The following BNC2 variants were observed in gnomAD, a reference collection of about 807,000 sequenced individuals.
BNC2 encodes the protein basonuclin zinc finger protein 2.
Under a neutral mutation model 76.3 loss-of-function variants are expected in BNC2, and 20 were observed. That is an observed-to-expected ratio of 0.26 (90% confidence interval 0.18 to 0.38). The LOEUF is 0.38. Among genes scored for constraint, BNC2 ranks in the 10% least tolerant of loss-of-function variants. The pLI, the probability that BNC2 is intolerant of heterozygous loss-of-function variation, is 1.00. For synonymous variants in BNC2, 582 were observed against 514.8 expected (o/e 1.13, Z -1.77); for missense variants, 1,382 against 1,399.8 (o/e 0.99, Z 0.20).
rs533890776 is a variant in BNC2, at chr9:16,721,871, C to T, written c.330+5926G>A. 2.0e-5 allele frequency among the ~76,000 whole-genome samples: 3 copies of T among 152,174 alleles called. No homozygotes were observed. The East Asian group carries it at 5.8e-4, about 29-fold the overall frequency. ...AACACTAAGGTTCAAATTATAGACA[C>T]AAGCTAAAAACAAATTCCAATTTCT... On this transcript the variant is annotated intron_variant, in intron 3 of 6. Transcript: ENST00000380672.
chr9:16,568,153 G>A (rs1819218990), intron 4 of BNC2, among the ~76,000 whole-genome samples: 1 of 152,136 alleles, frequency 6.6e-6, no homozygotes, highest in South Asian at 2.1e-4. Context: ...CAAGCATCAA[G>A]TGGTCAGCTT....
chr9:16,808,994 G>A (rs1387064244), intron 1 of BNC2, among the ~76,000 whole-genome samples: 1 of 152,140 alleles, frequency 6.6e-6, no homozygotes, highest in Non-Finnish European at 1.5e-5. Context: ...GAGAAGAGAG[G>A]CTCATCTCTG....
chr9:16,835,313 T>C (rs1188751662), intron 1 of BNC2, among the ~76,000 whole-genome samples: 1 of 152,214 alleles, frequency 6.6e-6, no homozygotes, highest in African/African-American at 2.4e-5. Flanking sequence ...AGTAAACTCA[T>C]CTAATTCTCA....
chr9:16,470,773 G>C (rs1411555431), intron 5 of BNC2, among the ~76,000 whole-genome samples: 1 of 152,186 alleles, frequency 6.6e-6, no homozygotes, highest in East Asian at 1.9e-4. Flanking sequence ...AAGATGTATG[G>C]AAACACCTGG....
At chr9:16,832,454 T>G (rs938452830) in intron 1 of BNC2, 24 of 212,148 alleles carry the variant, frequency 1.1e-4, no homozygotes, top group African/African-American at 5.6e-4. Flanking sequence ...CTTACTATCA[T>G]GTCATCAGTG....
chr9:16,737,557 T>TG (rs1180054168), intron 2 of BNC2, among the ~76,000 whole-genome samples: 1 of 151,184 alleles, frequency 6.6e-6, no homozygotes, highest in Non-Finnish European at 1.5e-5. Context: ...GCTTTTTTTT[T>TG]TTTTTAAAGA....
chr9:16,860,903 G>A (rs893131664), intron 1 of BNC2, among the ~76,000 whole-genome samples: 12 of 151,778 alleles, frequency 7.9e-5, no homozygotes, highest in African/African-American at 2.2e-4. Context: ...AAAATTAGCC[G>A]GGCATGTTGG....
intron 3 of BNC2, among the ~76,000 whole-genome samples, chr9:16,664,376 C>G (rs1312626765): frequency 6.6e-6 from 1 of 152,154 alleles, no homozygotes; most frequent in African/African-American, 2.4e-5. Context: ...CCCTCCCAAC[C>G]ACAAGTTCAT....
chr9:16,421,775 A>T (rs1820715167), intron 6 of BNC2, among the ~76,000 whole-genome samples: 1 of 152,244 alleles, frequency 6.6e-6, no homozygotes, highest in East Asian at 1.9e-4. Flanking sequence ...ACCAGTTATT[A>T]CAAGAATGTG....
intron 1 of BNC2, among the ~76,000 whole-genome samples, chr9:16,858,641 C>A (rs1819321309): frequency 1.3e-5 from 2 of 151,984 alleles, no homozygotes; most frequent in South Asian, 4.1e-4. Context: ...TCAGGAGGAT[C>A]AAGACCATCC....
At chr9:16,843,155 G>C (rs1326813683) in intron 1 of BNC2, among the ~76,000 whole-genome samples, 3 of 152,156 alleles carry the variant, frequency 2.0e-5, no homozygotes, top group South Asian at 2.1e-4. Flanking sequence ...CTGATGGAGA[G>C]ATAGATGAAT....
chr9:16,539,692 GAGAA>G (rs1818249280), intron 5 of BNC2, among the ~76,000 whole-genome samples: 2 of 118,116 alleles, frequency 1.7e-5, no homozygotes, highest in Non-Finnish European at 1.7e-5. Context: ...GGAAGGAAGG[GAGAA>G]AGGAAGGGAG....
intron 3 of BNC2, among the ~76,000 whole-genome samples, chr9:16,719,484 G>T (rs562198744): frequency 2.6e-5 from 4 of 152,274 alleles, no homozygotes; most frequent in African/African-American, 9.6e-5. Context: ...CAGACACCCA[G>T]TTCAGGTACT....
At chr9:16,657,598 T>A (rs902074617) in intron 3 of BNC2, among the ~76,000 whole-genome samples, 1 of 152,160 alleles carries the variant, frequency 6.6e-6, no homozygotes, top group African/African-American at 2.4e-5. Context: ...GAGGTGTGAC[T>A]TGGCCATCAG....
At chr9:16,765,443 A>G (rs191280344) in intron 1 of BNC2, among the ~76,000 whole-genome samples, 1 of 152,316 alleles carries the variant, frequency 6.6e-6, no homozygotes, top group African/African-American at 2.4e-5. Flanking sequence ...ATATTACTCA[A>G]TATTATTAAA....
At chr9:16,475,612 A>G (rs1325333198) in intron 5 of BNC2, among the ~76,000 whole-genome samples, 1 of 152,234 alleles carries the variant, frequency 6.6e-6, no homozygotes, top group African/African-American at 2.4e-5. Flanking sequence ...TCAAATTAAA[A>G]ACATAGCAAA....
chr9:16,448,339 A>C (rs552921669), intron 5 of BNC2, among the ~76,000 whole-genome samples: 1 of 152,016 alleles, frequency 6.6e-6, no homozygotes, highest in African/African-American at 2.4e-5. Flanking sequence ...GGCGCAAAAA[A>C]TTTTTTTACA....
chr9:16,715,492 G>T (rs1474343383), intron 3 of BNC2, among the ~76,000 whole-genome samples: 1 of 152,168 alleles, frequency 6.6e-6, no homozygotes, highest in Non-Finnish European at 1.5e-5. Context: ...TTTCTATCTG[G>T]CAGCCAGAGG....
At chr9:16,690,996 G>C (rs1276028718) in intron 3 of BNC2, among the ~76,000 whole-genome samples, 1 of 152,100 alleles carries the variant, frequency 6.6e-6, no homozygotes, top group East Asian at 1.9e-4. Flanking sequence ...TCTGTGATAG[G>C]AGCAACCTCT....
Sources: gnomAD v4.1 joint callset for allele counts (sites outside exome capture counted in the v4.1 genomes callset) on GRCh38, gnomAD v4.1.1 for gene constraint, MANE v1.5 for transcripts, NCBI Gene and HGNC (gene_info 2026-07-23, HGNC 2026-07-21) for gene names.